Variants in IFNAR2 observed in about 807,000 individuals in gnomAD.
IFNAR2 encodes interferon alpha and beta receptor subunit 2, also known as interferon alpha/beta receptor 2.
IFNAR2 carries 30 observed loss-of-function variants against 49.4 expected under a neutral mutation model. The ratio of observed to expected loss-of-function variants is 0.61; its 90% CI spans 0.45 to 0.82. The LOEUF is 0.82. Ranked by LOEUF, IFNAR2 falls within the 40% of genes least tolerant of loss-of-function variation. IFNAR2 has a pLI of 0.00. For synonymous variants in IFNAR2, 224 were observed against 234.5 expected, an observed-to-expected ratio of 0.96 and a Z score of 0.41; for missense variants, 600 against 622.7, an observed-to-expected ratio of 0.96 and a Z score of 0.39.
intron 1 of IFNAR2, among the ~76,000 whole-genome samples, chr21:33,235,359 G>A (rs987759526): frequency 1.3e-5 from 2 of 152,150 alleles, no homozygotes; most frequent in Admixed American, 6.5e-5. Flanking sequence ...CAAGAGCAGG[G>A]GGTGACCTGT....
Position 33,241,912 on chromosome 21 carries a change from A to G in IFNAR2, c.-11A>G, listed in dbSNP as rs373320322. The G allele has an allele frequency of 1.1e-5, 18 of 1,612,272 alleles. No individual in the cohort carries two copies. Among genetic ancestry groups the G allele is most frequent in the Non-Finnish European group, 1.4e-5 (17 of 1,178,674 alleles). On this transcript the variant is annotated 5_prime_UTR_variant, in exon 2 of 9. Coordinates refer to ENST00000342136, the MANE Select transcript of IFNAR2 (RefSeq NM_001289125.3). The stretch of plus-strand genomic sequence containing the variant: ...TGTAAAAGTCAAGAGAAGACTCTAA[A>G]AATAGCAAAGATGCTTTTGAGCCAG...
At chr21:33,262,763 ACT>A (rs749173983) in intron 8 of IFNAR2, 28 bp from the exon 9 acceptor site, 32 of 1,565,514 alleles carry the variant, frequency 2.0e-5, no homozygotes, top group East Asian at 4.5e-5. Context: ...GCTGATACGG[ACT>A]CTCTCTCTCT....
At chr21:33,248,378 G>C (rs1305187937) in intron 5 of IFNAR2, among the ~76,000 whole-genome samples, 2 of 113,392 alleles carry the variant, frequency 1.8e-5, no homozygotes, top group Non-Finnish European at 3.4e-5. Flanking sequence ...AGAAAGTTAG[G>C]GGGGAGGGAG....
chr21:33,246,210 A>G (rs1382034262), intron 4 of IFNAR2, among the ~76,000 whole-genome samples: 1 of 152,080 alleles, frequency 6.6e-6, no homozygotes. Flanking sequence ...AGCTGGGACT[A>G]CAGGCGCCCG....
At chr21:33,231,667 T>A in intron 1 of IFNAR2, 6 of 984,220 alleles carry the variant, frequency 6.1e-6, no homozygotes, top group Non-Finnish European at 7.2e-6. Flanking sequence ...TTTATAAACC[T>A]TCAAACTGTT....
In IFNAR2 at chr21:33,248,742, G is replaced by A. The variant is rs563308470; in HGVS notation, c.428G>A (p.Gly143Asp). 2.5e-6 allele frequency: 4 copies of A among 1,610,138 alleles called. No individual in the cohort carries two copies. Among genetic ancestry groups the A allele is most frequent in the African/African-American group, 1.3e-5 (1 of 74,816 alleles). The change falls in exon 6 of 9, where the codon GGT (glycine) becomes GAT (aspartate). Residue 143 changes from glycine to aspartate, a missense_variant. By Grantham distance (94) the Gly-to-Asp change is moderately conservative. Coordinates refer to ENST00000342136, the MANE Select transcript of IFNAR2 (RefSeq NM_001289125.3). ...GAACCACCAGAGTTTGAGATTGTTG[G>A]TTTTACCAACCACATTAATGTGATG... ...SFEPPEFEIV[G>D]FTNHINVMVK... is the part of the protein sequence containing the mutation.
At position 33,248,696 on chromosome 21, in the gene IFNAR2, GT is replaced by G. The variant is rs780486708; in HGVS notation, c.395-7del. On this transcript the variant is annotated splice_polypyrimidine_tract_variant and intron_variant, in intron 5 of 8. Transcript: ENST00000342136. ...CTGTGACATATTCCTGTCTGTTTTT[GT>G]TTTTTGCACAGTGTCTTTTGAACCA... is the stretch of plus-strand genomic sequence containing the variant. 2 of 1,591,252 alleles carry G rather than the reference GT, an allele frequency of 1.3e-6. No homozygotes were observed. Among genetic ancestry groups the G allele is most frequent in the Non-Finnish European group, 1.7e-6 (2 of 1,170,244 alleles).
At chr21:33,259,494 A>C (rs17860243) in intron 7 of IFNAR2, among the ~76,000 whole-genome samples, 1,802 of 152,326 alleles carry the variant, frequency 0.012, 31 homozygotes, top group African/African-American at 0.039. Context: ...ATATTATCCT[A>C]GCATATTAAC....
intron 1 of IFNAR2, chr21:33,233,167 A>G (rs1006251444): frequency 1.3e-5 from 2 of 153,006 alleles, no homozygotes; most frequent in African/African-American, 4.8e-5. Context: ...GACAGAATAA[A>G]TAAGTCAGGA....
intron 5 of IFNAR2, 98 bp from the exon 6 acceptor site, chr21:33,248,611 A>G (rs1987616409): frequency 3.5e-6 from 4 of 1,137,088 alleles, no homozygotes; most frequent in Non-Finnish European, 3.6e-6. Context: ...AGGACTTGGC[A>G]GATTTTCTAT....
At position 33,263,155 on chromosome 21, in the gene IFNAR2, A is replaced by G. The variant is rs1347341215; in HGVS notation, c.1203A>G (p.Pro401=). The G allele has an allele frequency of 1.2e-6, 2 of 1,614,026 alleles. No individual in the cohort carries two copies. The highest frequency in any genetic ancestry group is 1.7e-6 in the Non-Finnish European group (2 of 1,179,982). Residue 401 remains proline (P), a synonymous_variant, in exon 9 of 9, where the codon CCA becomes CCG. Transcript: ENST00000342136. ...GGCCCTGTGAGAGGAGAAAGAGTCC[A>G]CTCCAGGACCCTTTTCCCGAAGAGG... ...LSGPCERRKS[P]LQDPFPEEDY... is the part of the protein sequence containing the mutation.
At chr21:33,241,316 A>C (rs922141633) in intron 1 of IFNAR2, among the ~76,000 whole-genome samples, 3 of 152,254 alleles carry the variant, frequency 2.0e-5, no homozygotes, top group Non-Finnish European at 4.4e-5. Flanking sequence ...GCACATGTGC[A>C]AAATGAAAGA....
At chr21:33,231,377 T>G (rs1986052594) in intron 1 of IFNAR2, among the ~76,000 whole-genome samples, 1 of 152,256 alleles carries the variant, frequency 6.6e-6, no homozygotes, top group South Asian at 2.1e-4. Flanking sequence ...AAAGTTGTTT[T>G]CCACAATTTT....
intron 7 of IFNAR2, among the ~76,000 whole-genome samples, chr21:33,256,041 A>G (rs145461475): frequency 9.2e-5 from 14 of 152,332 alleles, no homozygotes; most frequent in Admixed American, 2.6e-4. Context: ...ACTCTTATAG[A>G]CAATAAAAAC....
At chr21:33,262,217 T>C (rs1221090729) in intron 8 of IFNAR2, among the ~76,000 whole-genome samples, 1 of 151,798 alleles carries the variant, frequency 6.6e-6, no homozygotes, top group African/African-American at 2.4e-5. Context: ...ATACAAAAAT[T>C]TGCCGGGCAT....
intron 7 of IFNAR2, among the ~76,000 whole-genome samples, chr21:33,258,699 G>A (rs1234962075): frequency 6.6e-6 from 1 of 152,188 alleles, no homozygotes; most frequent in African/African-American, 2.4e-5. Context: ...CCAAGTGCCC[G>A]AGGCAGGATA....
In IFNAR2 at chr21:33,230,026, A is replaced by C; in HGVS notation, c.-274A>C. 3.0e-6 allele frequency: 3 copies of C among 985,142 alleles called. No homozygotes were observed. The highest frequency in any genetic ancestry group is 3.6e-6 in the Non-Finnish European group (3 of 829,806). 61.0% of individuals were successfully genotyped at this position (985,142 alleles called of 1,614,324 possible). A position where few individuals can be genotyped will look rare whatever the true frequency, so the allele number is the denominator to read the frequency against. ...GGGTAGGAATCCCGCCGGCGAGCCG[A>C]ACAGTTCCCCGAGCGCAGCCCGCGG... On this transcript the variant is annotated 5_prime_UTR_variant, in exon 1 of 9. Transcript: ENST00000342136. This position sits in a 1 kb window ranked among gnomAD's most constrained non-coding sequence, Gnocchi z 5.5.
In IFNAR2 at chr21:33,230,565, G is replaced by A. The variant is rs1601779227; in HGVS notation, c.-84+349G>A. ...CATTTGCCACTGCAAGATGTGAGTCGTTGCTAAGTTTGAGGGTCACATTCC... is the reference window on the plus strand; with the variant it reads ...CATTTGCCACTGCAAGATGTGAGTCATTGCTAAGTTTGAGGGTCACATTCC... On this transcript the variant is annotated intron_variant, in intron 1 of 8. Coordinates refer to ENST00000342136, the MANE Select transcript of IFNAR2 (RefSeq NM_001289125.3). This position sits in a 1 kb window ranked among gnomAD's most constrained non-coding sequence, Gnocchi z 5.5. 4.2e-6 allele frequency: 2 copies of A among 470,852 alleles called. No individual in the cohort carries two copies. The highest frequency in any genetic ancestry group is 7.0e-5 in the East Asian group (1 of 14,376). The allele number at this position is 470,852 out of a possible 1,614,324, so 29.2% of individuals were successfully genotyped here.
chr21:33,237,519 A>G (rs562297490), intron 1 of IFNAR2, among the ~76,000 whole-genome samples: 4 of 152,324 alleles, frequency 2.6e-5, no homozygotes, highest in African/African-American at 9.6e-5. Context: ...TGGGTGACAG[A>G]GTGAGACCCT....
Sources: allele counts gnomAD v4.1 joint callset (sites outside exome capture counted in the v4.1 genomes callset), GRCh38; gene constraint gnomAD v4.1.1; non-coding constraint Gnocchi (gnomAD v3.1); transcripts MANE v1.5; gene names NCBI Gene and HGNC (gene_info 2026-07-23, HGNC 2026-07-21).